The following HSPG2 variants were observed in gnomAD, a reference collection of about 807,000 sequenced individuals.
HSPG2 encodes heparan sulfate proteoglycan 2.
Under a neutral mutation model 526.6 loss-of-function variants are expected in HSPG2, and 278 were observed. The observed-to-expected ratio is 0.53, with a 90% CI of 0.48 to 0.58. The LOEUF (loss-of-function observed/expected upper bound fraction) is 0.58. Among genes scored for constraint, HSPG2 ranks in the 20% least tolerant of loss-of-function variants. HSPG2 has a pLI of 0.00. For missense variants in HSPG2, 5,354 were observed against 6,099.5 expected, an observed-to-expected ratio of 0.88 and a Z score of 4.07; for synonymous variants, 2,465 against 2,555.4, an observed-to-expected ratio of 0.96 and a Z score of 1.07.
chr1:21,834,068 C>T (rs2098016116), intron 77 of HSPG2, 143 bp from the exon 78 acceptor site: 4 of 732,506 alleles, frequency 5.5e-6, no homozygotes, highest in African/African-American at 5.2e-5. Flanking sequence ...AATTATGGCT[C>T]AGAGGGGAAA....
At chr1:21,836,737 A>C (rs1390539388) in intron 75 of HSPG2, 65 bp downstream of exon 75, 27 of 1,419,310 alleles carry the variant, frequency 1.9e-5, no homozygotes, top group Non-Finnish European at 2.6e-5. Flanking sequence ...AGGTGCTTTA[A>C]CTCTGCTCAC....
rs1018342856 is a variant in HSPG2 at position 21,937,222 on chromosome 1, C to A, written c.-5G>T. 7.9e-6 allele frequency: 8 copies of A among 1,018,452 alleles called. No individual in the cohort carries two copies. Among genetic ancestry groups the A allele is most frequent in the Non-Finnish European group, 9.4e-6 (8 of 847,838 alleles). 63.1% of individuals were successfully genotyped at this position (1,018,452 alleles called of 1,614,324 possible). On this transcript the variant is annotated 5_prime_UTR_variant, in exon 1 of 97. Transcript: ENST00000374695. The stretch of plus-strand genomic sequence containing the variant: ...GCCCGCCGCCCGCCACCCCATGGCC[C>A]GGCCCGCGCCGCTCTCTCGCTCGCT...
intron 76 of HSPG2, 74 bp downstream of exon 76, chr1:21,835,466 C>A: frequency 1.1e-6 from 1 of 950,326 alleles, no homozygotes; most frequent in Non-Finnish European, 1.7e-6. Flanking sequence ...GGAACAGGGT[C>A]TGGGCCTTGT....
rs1408438926 is a variant in HSPG2, at chr1:21,831,456, G to C, written c.11452+7C>G. On this transcript the variant is annotated splice_region_variant and intron_variant, in intron 83 of 96. Transcript: ENST00000374695. ...CAGCCTCAGCTGGAGGTGGGGAGGG[G>C]GCTCACCTATGAAGCCGCTGCTCAG... The C allele has an allele frequency of 6.2e-7, 1 of 1,613,328 alleles. No individual in the cohort carries two copies. The highest frequency in any genetic ancestry group is 1.6e-4 in the Middle Eastern group (1 of 6,076).
rs780248460 is a variant in HSPG2, at chr1:21,895,910, G to T, written c.244+12C>A. 3 of 1,613,668 alleles carry T rather than the reference G, an allele frequency of 1.9e-6. No homozygotes were observed. Among genetic ancestry groups the T allele is most frequent in the Non-Finnish European group, 2.5e-6 (3 of 1,179,668 alleles). On this transcript the variant is annotated intron_variant, in intron 3 of 96. Transcript: ENST00000374695. The surrounding 1 kb of genome is among the most constrained non-coding windows in gnomAD (Gnocchi z 4.1). Reference sequence around the variant, plus strand: ...CAGGAGGGAGACCTGCAGGAGGCCTGCAGCAACTTACCCATCTGGAAGTCC... The same window carrying T: ...CAGGAGGGAGACCTGCAGGAGGCCTTCAGCAACTTACCCATCTGGAAGTCC...
At position 21,824,765 on chromosome 1, in the gene HSPG2, A is replaced by T. The variant is rs1251979548; in HGVS notation, c.12604T>A (p.Tyr4202Asn). 1 of 1,613,036 alleles carries T rather than the reference A, an allele frequency of 6.2e-7. No individual in the cohort carries two copies. Among genetic ancestry groups the T allele is most frequent in the South Asian group, 1.1e-5 (1 of 90,884 alleles). Reference protein sequence around the residue: ...GSGGNDAPGQYGAYFHDDGFL... With the variant: ...GSGGNDAPGQNGAYFHDDGFL... The stretch of plus-strand genomic sequence containing the variant: ...CCATCATCGTGGAAATAGGCTCCGT[A>T]CTGCCCAGGGGCATCTGTGGGAGAG... The change falls in exon 92 of 97, where the codon TAC becomes AAC. Residue 4202 changes from tyrosine to asparagine, a missense_variant. Tyr to Asn is a moderately radical substitution (Grantham distance 143). Coordinates refer to ENST00000374695, the MANE Select transcript of HSPG2 (RefSeq NM_005529.7). This position sits in a 1 kb window ranked among gnomAD's most constrained non-coding sequence, Gnocchi z 5.9.
intron 91 of HSPG2, among the ~76,000 whole-genome samples, chr1:21,827,342 A>C (rs1205468039): frequency 6.6e-6 from 1 of 152,190 alleles, no homozygotes; most frequent in Non-Finnish European, 1.5e-5. Flanking sequence ...ACAGCTAGTA[A>C]GTGGGAGAGC....
At chr1:21,860,133 C>G (rs781196026) in intron 40 of HSPG2, 44 bp downstream of exon 40, 1 of 1,611,330 alleles carries the variant, frequency 6.2e-7, no homozygotes, top group Non-Finnish European at 8.5e-7. Context: ...CCAGGGCTCC[C>G]TGCCTTGCCC....
chr1:21,900,423 A>C (rs558129330), intron 1 of HSPG2, among the ~76,000 whole-genome samples: 3 of 152,324 alleles, frequency 2.0e-5, no homozygotes, highest in African/African-American at 7.2e-5. Flanking sequence ...ACCCAATCCC[A>C]GAGGTGGGCT....
chr1:21,823,712 G>C lies in HSPG2; in HGVS notation c.12907C>G (p.Arg4303Gly). Reference sequence around the variant, plus strand: ...CCGTCGACTTGGATGGAACCTCTGCGGCCCTCCCTGCAGTGGAACTGGGTC... The same window carrying C: ...CCGTCGACTTGGATGGAACCTCTGCCGCCCTCCCTGCAGTGGAACTGGGTC... ...WHRVTALREG[R>G]RGSIQVDGEE... is the part of the protein sequence containing the mutation. Residue 4303 changes from arginine to glycine, a missense_variant, in exon 96 of 97, where the codon CGC becomes GGC. Transcript: ENST00000374695. 1 of 1,613,190 alleles carries C rather than the reference G, an allele frequency of 6.2e-7. No homozygotes were observed. The highest frequency in any genetic ancestry group is 8.5e-7 in the Non-Finnish European group (1 of 1,179,810).
Position 21,828,118 on chromosome 1 carries a change from C to T in HSPG2, c.12444G>A (p.Gln4148=), listed in dbSNP as rs746005656. Residue 4148 remains glutamine (Q), a synonymous_variant, in exon 90 of 97, where the codon CAG becomes CAA. Transcript: ENST00000374695. The surrounding 1 kb of genome is among the most constrained non-coding windows in gnomAD (Gnocchi z 6.0). ...DLCEHEENPC[Q]LREPCLHGGT... is the part of the protein sequence containing the mutation. ...CCCCATGCAGACAGGGTTCACGGAG[C>T]TGGCAGGGGTTCTCCTCGTGCTCAC... The T allele has an allele frequency of 2.0e-6, 3 of 1,468,866 alleles. No homozygotes were observed. The Admixed American group carries it at 5.4e-5, about 27-fold the overall frequency. 91.0% of individuals were successfully genotyped at this position (1,468,866 alleles called of 1,614,324 possible).
rs2097987449 is a variant in HSPG2 at position 21,828,577 on chromosome 1, C to T, written c.12238-151G>A. 1 of 912,782 alleles carries T rather than the reference C, an allele frequency of 1.1e-6. No homozygotes were observed. The highest frequency in any genetic ancestry group is 2.3e-5 in the Admixed American group (1 of 43,622). 56.5% of individuals were successfully genotyped at this position (912,782 alleles called of 1,614,324 possible). A position where few individuals can be genotyped will look rare whatever the true frequency, so the allele number is the denominator to read the frequency against. On this transcript the variant is annotated intron_variant, in intron 88 of 96. Coordinates refer to ENST00000374695, the MANE Select transcript of HSPG2 (RefSeq NM_005529.7). This position sits in a 1 kb window ranked among gnomAD's most constrained non-coding sequence, Gnocchi z 6.0. ...GATTCTCGGTGTGGGGAGGGAGGCG[C>T]AGGAGTTGAGTGCCTACTGTGTGCT...
chr1:21,937,080 G>A (rs1644508186), intron 1 of HSPG2, 75 bp downstream of exon 1: 2 of 516,752 alleles, frequency 3.9e-6, no homozygotes, highest in Non-Finnish European at 2.6e-6. Context: ...CAAGTTGGCG[G>A]GAGGCGGCGA....
intron 85 of HSPG2, chr1:21,830,487 G>C (rs1295545789): frequency 6.6e-6 from 2 of 303,666 alleles, no homozygotes; most frequent in East Asian, 1.6e-4. Context: ...AGGAGTTCAA[G>C]ACCAGCCATG....
chr1:21,857,509 AC>A (rs769465974), intron 42 of HSPG2, 124 bp from the exon 43 acceptor site: 8 of 837,374 alleles, frequency 9.6e-6, no homozygotes, highest in Non-Finnish European at 1.6e-5. Context: ...CTCTCATTCT[AC>A]CCCCTGGCAC....
rs1157734912 is a variant in HSPG2 at position 21,822,493 on chromosome 1, TC to T, written c.*822del. 36 of 391,430 alleles carry T rather than the reference TC, an allele frequency of 9.2e-5. No homozygotes were observed. The highest frequency in any genetic ancestry group is 7.4e-4 in the Middle Eastern group (1 of 1,354). 24.2% of individuals were successfully genotyped at this position (391,430 alleles called of 1,614,324 possible). A position where few individuals can be genotyped will look rare whatever the true frequency, so the allele number is the denominator to read the frequency against. ...TCTTCCTGAGCACCAGCGGCATCCG[TC>T]CGTCCGTTGTCTGTTGGAGGAGTCC... On this transcript the variant is annotated 3_prime_UTR_variant, in exon 97 of 97. Transcript: ENST00000374695.
chr1:21,848,572 G>C lies in HSPG2; in HGVS notation c.7737+71C>G. The C allele has an allele frequency of 3.3e-6, 5 of 1,531,536 alleles. No individual in the cohort carries two copies. In the East Asian group the frequency reaches 6.7e-5, roughly 21 times the overall value. 94.9% of individuals were successfully genotyped at this position (1,531,536 alleles called of 1,614,324 possible). On this transcript the variant is annotated intron_variant, in intron 59 of 96. Coordinates refer to ENST00000374695, the MANE Select transcript of HSPG2 (RefSeq NM_005529.7). This position sits in a 1 kb window ranked among gnomAD's most constrained non-coding sequence, Gnocchi z 4.9. The stretch of plus-strand genomic sequence containing the variant: ...CTGAATGAGCACAGAGTGAGGTGCT[G>C]AGAGTCCCCCCTCTTCCCATTGGGG...
Position 21,847,947 on chromosome 1 carries a change from T to C in HSPG2, c.7873+11A>G, listed in dbSNP as rs756035374. ...CCACTTGTCTGTACCCCCTGCCCTCTCTGCTCTCACCGTGGGAGGAACCGC... is the reference window on the plus strand; with the variant it reads ...CCACTTGTCTGTACCCCCTGCCCTCCCTGCTCTCACCGTGGGAGGAACCGC... On this transcript the variant is annotated intron_variant, in intron 60 of 96. Coordinates refer to ENST00000374695, the MANE Select transcript of HSPG2 (RefSeq NM_005529.7). This position sits in a 1 kb window ranked among gnomAD's most constrained non-coding sequence, Gnocchi z 4.1. The C allele has an allele frequency of 9.3e-6, 15 of 1,613,704 alleles. No individual in the cohort carries two copies.
chr1:21,918,830 C>T (rs1164525675), intron 1 of HSPG2, among the ~76,000 whole-genome samples: 2 of 152,182 alleles, frequency 1.3e-5, no homozygotes, highest in Non-Finnish European at 2.9e-5. Context: ...ACATAGTCAG[C>T]GTTCTCCAAA....
Sources: allele counts gnomAD v4.1 joint callset (sites outside exome capture counted in the v4.1 genomes callset), GRCh38; gene constraint gnomAD v4.1.1; non-coding constraint Gnocchi (gnomAD v3.1); transcripts MANE v1.5; gene names NCBI Gene and HGNC (gene_info 2026-07-23, HGNC 2026-07-21).